The following SLCO1A2 variants were observed in gnomAD, a reference collection of about 807,000 sequenced individuals.
The protein encoded by SLCO1A2 is OATP-1.
In SLCO1A2, 67 loss-of-function variants were observed where a neutral mutation model predicts 69.0. The ratio of observed to expected loss-of-function variants is 0.97; its 90% CI spans 0.80 to 1.19. The LOEUF is 1.19. SLCO1A2 is among the 50% of genes most tolerant of loss of function. The pLI, the probability that SLCO1A2 is intolerant of heterozygous loss-of-function variation, is 0.00. For synonymous variants in SLCO1A2, 260 were observed against 265.9 expected (o/e 0.98, Z 0.22); for missense variants, 787 against 793.7 (o/e 0.99, Z 0.10).
At chr12:21,413,463 A>C (rs1420658664) in intron 1 of SLCO1A2, among the ~76,000 whole-genome samples, 1 of 151,738 alleles carries the variant, frequency 6.6e-6, no homozygotes, top group Non-Finnish European at 1.5e-5. Context: ...GCTGGTCTCC[A>C]ACTCCTGGCC....
intron 1 of SLCO1A2, among the ~76,000 whole-genome samples, chr12:21,381,645 A>C (rs1255095135): frequency 2.0e-5 from 3 of 152,064 alleles, no homozygotes; most frequent in Non-Finnish European, 4.4e-5. Flanking sequence ...AAATACAAAA[A>C]ATTAGCCGGG....
At chr12:21,398,725 G>A (rs540138133), upstream of SLCO1A2, among the ~76,000 whole-genome samples, 81 of 151,206 alleles carry the variant, frequency 5.4e-4, no homozygotes, top group African/African-American at 1.8e-3. Context: ...TTCAATATAC[G>A]CAAATCAATA....
chr12:21,279,591 A>G (rs1327161335), intron 12 of SLCO1A2, among the ~76,000 whole-genome samples: 1 of 152,242 alleles, frequency 6.6e-6, no homozygotes, highest in African/African-American at 2.4e-5. Context: ...TTACCTTTAT[A>G]TCTGGTGAAA....
Position 21,292,217 on chromosome 12 carries a change from C to T in SLCO1A2, c.1557G>A (p.Met519Ile). The T allele has an allele frequency of 6.2e-7, 1 of 1,611,960 alleles. No individual in the cohort carries two copies. The highest frequency in any genetic ancestry group is 2.2e-5 in the East Asian group (1 of 44,688). The change falls in exon 12 of 15, where the codon ATG (methionine) becomes ATA (isoleucine). Residue 519 changes from methionine to isoleucine, a missense_variant. Transcript: ENST00000683939. ...MLQYFLILSA[M>I]SSFIYSLAAI... is the part of the protein sequence containing the mutation. ...CAGCCAAAGAATAAATGAAACTGCTCATCGCTGACAAGATTAGGAAGTACT... is the reference window on the plus strand; with the variant it reads ...CAGCCAAAGAATAAATGAAACTGCTTATCGCTGACAAGATTAGGAAGTACT...
chr12:21,351,869 T>TA (rs1251481524), intron 2 of SLCO1A2, among the ~76,000 whole-genome samples: 1 of 152,054 alleles, frequency 6.6e-6, no homozygotes, highest in Non-Finnish European at 1.5e-5. Context: ...CAGGCTTTGT[T>TA]ACGTTTCTAA....
At chr12:21,362,498 G>A (rs563902726) in intron 2 of SLCO1A2, among the ~76,000 whole-genome samples, 2 of 152,226 alleles carry the variant, frequency 1.3e-5, no homozygotes, top group Non-Finnish European at 2.9e-5. Context: ...CAACTAATGA[G>A]CAAAATAACC....
chr12:21,355,757 C>T (rs940300980), intron 2 of SLCO1A2, among the ~76,000 whole-genome samples: 1 of 151,904 alleles, frequency 6.6e-6, no homozygotes, highest in Non-Finnish European at 1.5e-5. Context: ...TTCTCAGAAA[C>T]AAAATACAGA....
intron 1 of SLCO1A2, among the ~76,000 whole-genome samples, chr12:21,411,519 A>T (rs1215356228): frequency 6.6e-6 from 1 of 152,138 alleles, no homozygotes; most frequent in Non-Finnish European, 1.5e-5. Flanking sequence ...TAAGCATTAG[A>T]ATCCAGTAGA....
chr12:21,362,127 G>C (rs1429030496), intron 2 of SLCO1A2, among the ~76,000 whole-genome samples: 1 of 152,150 alleles, frequency 6.6e-6, no homozygotes, highest in South Asian at 2.1e-4. Context: ...AGGAAAAAAT[G>C]TTAAGGGCAG....
intron 2 of SLCO1A2, among the ~76,000 whole-genome samples, chr12:21,331,126 A>G (rs1952586799): frequency 6.6e-6 from 1 of 152,144 alleles, no homozygotes; most frequent in Admixed American, 6.5e-5. Flanking sequence ...AAAATAATTT[A>G]CCTTTGAATA....
intron 2 of SLCO1A2, among the ~76,000 whole-genome samples, chr12:21,352,359 T>TA (rs1394428584): frequency 6.6e-5 from 10 of 152,346 alleles, no homozygotes; most frequent in African/African-American, 1.9e-4. Flanking sequence ...ATAGTGTCTG[T>TA]AAAATCTCAA....
rs1226196660 is a variant in SLCO1A2, at chr12:21,268,540, A to G, written c.*1008T>C. On this transcript the variant is annotated 3_prime_UTR_variant, in exon 15 of 15. Coordinates refer to ENST00000683939, the MANE Select transcript of SLCO1A2 (RefSeq NM_001386879.1). ...TCCTCTTCTATGTCTAAAATCCTTC[A>G]ATTTTTAATTTTATCCATAATTTAC... 6.6e-6 allele frequency: 1 copy of G among 152,058 alleles called. No homozygotes were observed. Among genetic ancestry groups the G allele is most frequent in the East Asian group, 1.9e-4 (1 of 5,184 alleles). 9.4% of individuals were successfully genotyped at this position (152,058 alleles called of 1,614,324 possible).
chr12:21,349,701 A>G (rs1171300987), intron 2 of SLCO1A2, among the ~76,000 whole-genome samples: 1 of 152,032 alleles, frequency 6.6e-6, no homozygotes. Flanking sequence ...CACTAACCAA[A>G]CTGTTTTCTT....
At chr12:21,329,586 T>A (rs1398150609) in intron 2 of SLCO1A2, among the ~76,000 whole-genome samples, 3 of 152,018 alleles carry the variant, frequency 2.0e-5, no homozygotes, top group East Asian at 1.9e-4. Context: ...TAAATTCTAA[T>A]GAATTTTATC....
intron 1 of SLCO1A2, among the ~76,000 whole-genome samples, chr12:21,381,874 T>C (rs1248760270): frequency 1.3e-5 from 2 of 152,332 alleles, no homozygotes; most frequent in South Asian, 2.1e-4. Flanking sequence ...TACACAATGC[T>C]AGTGAGAATG....
rs1325889730 is a variant in SLCO1A2 at position 21,267,901 on chromosome 12, T to A, written c.*1647A>T. On this transcript the variant is annotated 3_prime_UTR_variant, in exon 15 of 15. Transcript: ENST00000683939. ...TCTCACTGCTGCAGTCATACCTACA[T>A]CAAAGTTAAACTCCCCCTTTCCAAT... 1 of 152,054 alleles carries A rather than the reference T, an allele frequency of 6.6e-6. No homozygotes were observed. The highest frequency in any genetic ancestry group is 1.5e-5 in the Non-Finnish European group (1 of 67,994). The allele number at this position is 152,054 out of a possible 1,614,324, so 9.4% of individuals were successfully genotyped here. A position where few individuals can be genotyped will look rare whatever the true frequency, so the allele number is the denominator to read the frequency against.
chr12:21,387,404 A>T (rs1453188724), intron 1 of SLCO1A2, among the ~76,000 whole-genome samples: 1 of 152,148 alleles, frequency 6.6e-6, no homozygotes, highest in Non-Finnish European at 1.5e-5. Context: ...GGCCAGGTCC[A>T]GGGCCCTCCT....
chr12:21,376,976 G>C (rs868681180), intron 1 of SLCO1A2, among the ~76,000 whole-genome samples: 2 of 151,986 alleles, frequency 1.3e-5, no homozygotes, highest in African/African-American at 4.8e-5. Context: ...ATCCATTTCC[G>C]ATATCGTTTT....
chr12:21,393,789 ATT>A (rs778697547), intron 1 of SLCO1A2, among the ~76,000 whole-genome samples: 2 of 152,250 alleles, frequency 1.3e-5, no homozygotes, highest in South Asian at 4.1e-4. Context: ...TTCTGTAAAA[ATT>A]TTGATTGTTT....
Sources: allele counts gnomAD v4.1 joint callset (sites outside exome capture counted in the v4.1 genomes callset), GRCh38; gene constraint gnomAD v4.1.1; transcripts MANE v1.5; gene names NCBI Gene and HGNC (gene_info 2026-07-23, HGNC 2026-07-21).